ADAMTSL1: variants seen among roughly 807,000 people sequenced by gnomAD.
ADAMTSL1 encodes ADAMTS-like protein 1.
A neutral mutation model predicts 201.8 loss-of-function variants in ADAMTSL1; 126 were observed. That is an observed-to-expected ratio of 0.62 (90% CI 0.54 to 0.72). The LOEUF (loss-of-function observed/expected upper bound fraction) is 0.72. Ranked by LOEUF, ADAMTSL1 falls within the 30% of genes least tolerant of loss-of-function variation. ADAMTSL1 has a pLI of 0.00. For missense variants in ADAMTSL1, 2,679 were observed against 2,277.8 expected (o/e 1.18, Z -3.59); for synonymous variants, 1,121 against 903.4 (o/e 1.24, Z -4.32).
intron 2 of ADAMTSL1, among the ~76,000 whole-genome samples, chr9:18,335,153 C>T (rs1363155651): frequency 6.6e-6 from 1 of 152,092 alleles, no homozygotes; most frequent in Non-Finnish European, 1.5e-5. Context: ...ATATGTCCTT[C>T]TTTCCAAGGG....
At chr9:18,186,862 T>C (rs1023656240) in intron 2 of ADAMTSL1, among the ~76,000 whole-genome samples, 1 of 146,148 alleles carries the variant, frequency 6.8e-6, no homozygotes, top group African/African-American at 2.5e-5. Flanking sequence ...CACACACACA[T>C]GCACAAACAC....
At chr9:18,383,145 C>A (rs1194678913) in intron 2 of ADAMTSL1, among the ~76,000 whole-genome samples, 2 of 152,032 alleles carry the variant, frequency 1.3e-5, no homozygotes, top group Non-Finnish European at 2.9e-5. Flanking sequence ...TCTATTAATT[C>A]TATATTATAG....
At chr9:18,606,814 G>C (rs1375626930) in intron 4 of ADAMTSL1, among the ~76,000 whole-genome samples, 1 of 152,154 alleles carries the variant, frequency 6.6e-6, no homozygotes, top group Admixed American at 6.6e-5. Context: ...AGTTTGGTAA[G>C]TGAGAACCAT....
intron 2 of ADAMTSL1, among the ~76,000 whole-genome samples, chr9:18,181,352 C>A (rs1380303543): frequency 6.6e-6 from 1 of 152,236 alleles, no homozygotes; most frequent in East Asian, 1.9e-4. Flanking sequence ...AACAGGCAAT[C>A]TACAAAATGG....
In ADAMTSL1 at chr9:18,775,817, A is replaced by G; in HGVS notation, c.2472A>G (p.Ser824=). ...GAAAGATGCTGAAAACCGGCCTCTC[A>G]ACGGTTGTCAATTCCACCCTGTGCC... The part of the protein sequence containing the change: ...ICRKMLKTGL[S]TVVNSTLCPP... Residue 824 remains serine (S), a synonymous_variant, in exon 18 of 29, where the codon TCA becomes TCG. Coordinates refer to ENST00000380548, the MANE Select transcript of ADAMTSL1 (RefSeq NM_001040272.6). 6.2e-7 allele frequency: 1 copy of G among 1,609,456 alleles called. No homozygotes were observed. The highest frequency in any genetic ancestry group is 8.5e-7 in the Non-Finnish European group (1 of 1,177,756).
chr9:18,746,062 G>A (rs1819124643), intron 15 of ADAMTSL1, among the ~76,000 whole-genome samples: 1 of 152,186 alleles, frequency 6.6e-6, no homozygotes, highest in African/African-American at 2.4e-5. Flanking sequence ...TGCCCCCAGG[G>A]AGCAAGGCTG....
chr9:18,340,496 T>C (rs1005116630), intron 2 of ADAMTSL1, among the ~76,000 whole-genome samples: 2 of 152,148 alleles, frequency 1.3e-5, no homozygotes, highest in African/African-American at 4.8e-5. Flanking sequence ...AAATTCTCTC[T>C]TCCTTTGTTT....
chr9:17,913,364 T>G (rs910667610), intron 1 of ADAMTSL1, among the ~76,000 whole-genome samples: 7 of 152,212 alleles, frequency 4.6e-5, no homozygotes, highest in African/African-American at 7.2e-5. Flanking sequence ...TATCCTCTTT[T>G]ATTTCATTGA....
chr9:18,153,173 A>G lies in ADAMTSL1; in HGVS notation c.88-10689A>G, dbSNP rs1227554756. Among the ~76,000 whole-genome samples, 3 of 152,158 alleles carry G rather than the reference A, an allele frequency of 2.0e-5. No individual in the cohort carries two copies. In the South Asian group the frequency reaches 6.2e-4, roughly 32 times the overall value. The stretch of plus-strand genomic sequence containing the variant: ...GTCAGCTATGATCCACGTCATCCAC[A>G]TCCTATACTTGCCAACTCTTTGAAG... On this transcript the variant is annotated intron_variant, in intron 1 of 29. Transcript: ENST00000680146.
intron 4 of ADAMTSL1, among the ~76,000 whole-genome samples, chr9:18,607,360 AAT>A (rs765445502): frequency 1.3e-5 from 2 of 152,220 alleles, no homozygotes; most frequent in Non-Finnish European, 2.9e-5. Flanking sequence ...TTCGTGGTCA[AAT>A]ATGTTTTTCT....
At chr9:17,995,915 T>G (rs1428859588) in intron 1 of ADAMTSL1, among the ~76,000 whole-genome samples, 3 of 151,856 alleles carry the variant, frequency 2.0e-5, no homozygotes, top group Non-Finnish European at 4.4e-5. Context: ...AATTTCCTCA[T>G]CTCTAAAATG....
At chr9:17,975,931 TG>T (rs1272746268) in intron 1 of ADAMTSL1, among the ~76,000 whole-genome samples, 1 of 152,118 alleles carries the variant, frequency 6.6e-6, no homozygotes, top group Non-Finnish European at 1.5e-5. Context: ...TTTATTCTTT[TG>T]CATGTGGATA....
chr9:18,178,025 C>G (rs956552517), intron 2 of ADAMTSL1, among the ~76,000 whole-genome samples: 2 of 152,146 alleles, frequency 1.3e-5, no homozygotes, highest in African/African-American at 4.8e-5. Context: ...AAGAGGAGCC[C>G]AGATGGCCGA....
intron 1 of ADAMTSL1, among the ~76,000 whole-genome samples, chr9:17,925,455 C>G (rs1826485332): frequency 1.0e-5 from 1 of 97,004 alleles, no homozygotes; most frequent in East Asian, 4.8e-4. Context: ...GGAACCAACC[C>G]AAATGTCCAA....
At chr9:18,790,739 G>GC (rs1296257213) in intron 19 of ADAMTSL1, among the ~76,000 whole-genome samples, 1 of 151,912 alleles carries the variant, frequency 6.6e-6, no homozygotes, top group African/African-American at 2.4e-5. Flanking sequence ...ACAAATAAAG[G>GC]CCCCCAGAAA....
rs115078059 is a variant in ADAMTSL1 at position 17,918,534 on chromosome 9, C to T, written c.87+11612C>T. Among the ~76,000 whole-genome samples, 798 of 151,896 alleles carry T rather than the reference C, an allele frequency of 5.3e-3. 11 individuals carry two copies. Among genetic ancestry groups the T allele is most frequent in the African/African-American group, 0.018 (756 of 41,504 alleles). ...TTGAATCCTTTTTAATTTATTGACA[C>T]TTGTTTAATGGACCAGAATGATGGT... is the stretch of plus-strand genomic sequence containing the variant. On this transcript the variant is annotated intron_variant, in intron 1 of 29. Transcript: ENST00000680146.
At chr9:18,547,631 TATAAAAAA>T (rs1426739669) in intron 3 of ADAMTSL1, among the ~76,000 whole-genome samples, 2 of 83,292 alleles carry the variant, frequency 2.4e-5, no homozygotes, top group East Asian at 3.4e-4. Context: ...TGTATATATA[TATAAAAAA>T]AAAAAAAAAA....
intron 2 of ADAMTSL1, among the ~76,000 whole-genome samples, chr9:18,531,290 C>T (rs144000732): frequency 8.5e-5 from 13 of 152,236 alleles, no homozygotes; most frequent in African/African-American, 2.4e-4. Flanking sequence ...AACCTGACAC[C>T]GTAATGAGGG....
At chr9:17,924,548 C>T (rs1178767135) in intron 1 of ADAMTSL1, among the ~76,000 whole-genome samples, 8 of 150,736 alleles carry the variant, frequency 5.3e-5, no homozygotes, top group African/African-American at 9.8e-5. Flanking sequence ...GAAATAACGC[C>T]GCATACCTAC....
Sources: allele counts gnomAD v4.1 joint callset (sites outside exome capture counted in the v4.1 genomes callset), GRCh38; gene constraint gnomAD v4.1.1; transcripts MANE v1.5; gene names NCBI Gene and HGNC (gene_info 2026-07-23, HGNC 2026-07-21).